The following SENP1 variants were observed in gnomAD, a reference collection of about 807,000 sequenced individuals.
SENP1 encodes the protein SUMO specific peptidase 1, also known as sentrin-specific protease 1.
SENP1 carries 21 observed loss-of-function variants against 93.0 expected under a neutral mutation model. The ratio of observed to expected loss-of-function variants is 0.23; its 90% confidence interval spans 0.16 to 0.33. SENP1 has a LOEUF of 0.33. SENP1 is among the 10% of genes least tolerant of loss of function. The pLI is 1.00. For synonymous variants in SENP1, 256 were observed against 259.6 expected, an observed-to-expected ratio of 0.99 and a Z score of 0.13; for missense variants, 591 against 758.7, an observed-to-expected ratio of 0.78 and a Z score of 2.60.
intron 10 of SENP1, 25 bp from the exon 11 acceptor site, chr12:48,065,705 CA>C: frequency 7.1e-7 from 1 of 1,399,732 alleles, no homozygotes; most frequent in South Asian, 1.2e-5. Context: ...GGAACGTGAC[CA>C]AATGTAGACC....
At chr12:48,086,961 C>T (rs1944909932) in intron 5 of SENP1, among the ~76,000 whole-genome samples, 1 of 152,094 alleles carries the variant, frequency 6.6e-6, no homozygotes, top group Non-Finnish European at 1.5e-5. Flanking sequence ...ATTGCTTGAA[C>T]CTGGGAGGCG....
At chr12:48,048,536 C>T (rs533862470) in intron 14 of SENP1, among the ~76,000 whole-genome samples, 2 of 152,322 alleles carry the variant, frequency 1.3e-5, no homozygotes, top group South Asian at 2.1e-4. Flanking sequence ...TTTATTAACA[C>T]ATTAAGCTAA....
In SENP1 at chr12:48,104,900, A is replaced by C. The variant is rs1946361949; in HGVS notation, c.-45+1128T>G. ...TTAAAAATGAATAAGCCTTCCTAAA[A>C]GGGACTAGAGAGGAAAAATAAAGGG... On this transcript the variant is annotated intron_variant, in intron 1 of 17. Coordinates refer to ENST00000549518, the MANE Select transcript of SENP1 (RefSeq NM_001267594.2). Among the ~76,000 whole-genome samples the C allele has an allele frequency of 1.3e-5, 2 of 152,210 alleles. 1 individual carries two copies. The highest frequency in any genetic ancestry group is 4.1e-4 in the South Asian group (2 of 4,832).
intron 13 of SENP1, among the ~76,000 whole-genome samples, chr12:48,054,595 G>C (rs769569369): frequency 1.3e-5 from 2 of 152,064 alleles, no homozygotes; most frequent in African/African-American, 2.4e-5. Flanking sequence ...TTCAAGACCA[G>C]GCTGGCCAAC....
chr12:48,095,773 TAAGTC>T (rs1945518677), intron 4 of SENP1, among the ~76,000 whole-genome samples: 1 of 152,140 alleles, frequency 6.6e-6, no homozygotes, highest in Non-Finnish European at 1.5e-5. Flanking sequence ...AGATGATAGA[TAAGTC>T]AGGCAGGTCA....
chr12:48,062,174 G>A (rs1943001185), intron 13 of SENP1, among the ~76,000 whole-genome samples: 1 of 152,124 alleles, frequency 6.6e-6, no homozygotes, highest in African/African-American at 2.4e-5. Flanking sequence ...CCTCTAGGAG[G>A]TTTTCCATGA....
At chr12:48,050,964 G>A (rs145095403) in intron 13 of SENP1, among the ~76,000 whole-genome samples, 73 of 152,120 alleles carry the variant, frequency 4.8e-4, no homozygotes, top group Middle Eastern at 3.4e-3. Context: ...AAGGACTGAA[G>A]CAGGAGGTGA....
chr12:48,092,737 A>G (rs1242361495), intron 4 of SENP1, among the ~76,000 whole-genome samples: 2 of 152,242 alleles, frequency 1.3e-5, no homozygotes, highest in Non-Finnish European at 2.9e-5. Flanking sequence ...TTAGTGTAAG[A>G]CTGTTGATAT....
intron 10 of SENP1, among the ~76,000 whole-genome samples, chr12:48,065,910 C>T: frequency 6.6e-6 from 1 of 152,164 alleles, no homozygotes; most frequent in African/African-American, 2.4e-5. Flanking sequence ...ACTACAGTGC[C>T]CGGGCTAGTC....
intron 3 of SENP1, 119 bp downstream of exon 3, chr12:48,097,874 GA>G: frequency 1.1e-6 from 1 of 892,690 alleles, no homozygotes; most frequent in South Asian, 2.0e-5. Flanking sequence ...TAAAATTACT[GA>G]TTCTAAAAAG....
intron 6 of SENP1, among the ~76,000 whole-genome samples, chr12:48,076,705 C>T (rs1303826797): frequency 3.3e-5 from 5 of 151,536 alleles, no homozygotes; most frequent in African/African-American, 4.9e-5. Flanking sequence ...CGCAGTGGCA[C>T]GATCTCTACT....
rs1044871460 is a variant in SENP1, at chr12:48,043,228, A to C, written c.*2094T>G. The C allele has an allele frequency of 6.6e-6, 1 of 152,620 alleles. No individual in the cohort carries two copies. The highest frequency in any genetic ancestry group is 1.5e-5 in the Non-Finnish European group (1 of 68,024). The allele number at this position is 152,620 out of a possible 1,614,324, so 9.5% of individuals were successfully genotyped here. On this transcript the variant is annotated 3_prime_UTR_variant, in exon 18 of 18. Transcript: ENST00000549518. Reference sequence around the variant, plus strand: ...CAACAATTCCTTATATATTTTTCAAAGTGCTTTTGTTGCATGTTTCATTTT... The same window carrying C: ...CAACAATTCCTTATATATTTTTCAACGTGCTTTTGTTGCATGTTTCATTTT...
At chr12:48,085,279 T>C (rs1446552739) in intron 5 of SENP1, 2 of 1,548,540 alleles carry the variant, frequency 1.3e-6, no homozygotes, top group Non-Finnish European at 1.8e-6. Context: ...ATCGCAGAGA[T>C]GGTGCAGCAT....
chr12:48,072,957 G>A (rs540535734), intron 8 of SENP1, among the ~76,000 whole-genome samples: 1 of 151,988 alleles, frequency 6.6e-6, no homozygotes, highest in East Asian at 1.9e-4. Flanking sequence ...GACTGAATTA[G>A]GTGAAAGAAG....
intron 12 of SENP1, 76 bp from the exon 13 acceptor site, chr12:48,063,917 T>C: frequency 7.6e-7 from 1 of 1,310,622 alleles, no homozygotes; most frequent in Non-Finnish European, 1.1e-6. Context: ...AAACCCCATA[T>C]AATCCTCAGA....
intron 2 of SENP1, among the ~76,000 whole-genome samples, chr12:48,099,674 T>G (rs1051062392): frequency 2.6e-5 from 4 of 152,048 alleles, no homozygotes; most frequent in Admixed American, 2.0e-4. Flanking sequence ...ACACCAGGCA[T>G]AGTGGCACAT....
intron 6 of SENP1, among the ~76,000 whole-genome samples, chr12:48,081,101 C>T (rs920245942): frequency 1.3e-5 from 2 of 152,142 alleles, no homozygotes; most frequent in African/African-American, 4.8e-5. Context: ...CCTGGTGAGC[C>T]TGAGCAACAG....
chr12:48,045,076 T>G lies in SENP1; in HGVS notation c.*246A>C, dbSNP rs553393332. The G allele has an allele frequency of 2.1e-6, 1 of 467,650 alleles. No individual in the cohort carries two copies. Among genetic ancestry groups the G allele is most frequent in the Non-Finnish European group, 3.9e-6 (1 of 258,986 alleles). The allele number at this position is 467,650 out of a possible 1,614,324, so 29.0% of individuals were successfully genotyped here. ...GCAGAACTGAAGAAGTGAAAAGCAG[T>G]CTCTCTCTTCAGCTTAGGGATGTCC... On this transcript the variant is annotated 3_prime_UTR_variant, in exon 18 of 18. Coordinates refer to ENST00000549518, the MANE Select transcript of SENP1 (RefSeq NM_001267594.2).
chr12:48,096,745 C>T lies in SENP1; in HGVS notation c.136-318G>A, dbSNP rs565767106. The stretch of plus-strand genomic sequence containing the variant: ...TGCTGGGATTACAGGCGTGAGCCAC[C>T]GCGCCCGGCCATGTCACTTTTTTAA... On this transcript the variant is annotated intron_variant, in intron 3 of 17. Coordinates refer to ENST00000549518, the MANE Select transcript of SENP1 (RefSeq NM_001267594.2). Among the ~76,000 whole-genome samples the T allele has an allele frequency of 4.6e-5, 7 of 152,172 alleles. No homozygotes were observed. In the South Asian group the frequency reaches 6.2e-4, roughly 14 times the overall value.
Sources: allele counts gnomAD v4.1 joint callset (sites outside exome capture counted in the v4.1 genomes callset), GRCh38; gene constraint gnomAD v4.1.1; transcripts MANE v1.5; gene names NCBI Gene and HGNC (gene_info 2026-07-23, HGNC 2026-07-21).